Variants in MAL2 observed in about 807,000 individuals in gnomAD.
MAL2 encodes mal, T cell differentiation protein 2.
In MAL2, 17 loss-of-function variants were observed where a neutral mutation model predicts 18.1. That is an observed-to-expected ratio of 0.94 (90% CI 0.64 to 1.41). MAL2 has a LOEUF of 1.41. MAL2 is among the 40% of genes most tolerant of loss of function. The probability of loss-of-function intolerance (pLI) is 0.00; values close to 1 mark genes in which losing one functional copy is unlikely to be tolerated. For missense variants in MAL2, 222 were observed against 231.9 expected, an observed-to-expected ratio of 0.96 and a Z score of 0.28; for synonymous variants, 102 against 102.3, an observed-to-expected ratio of 1.00 and a Z score of 0.02.
At chr8:119,217,260 A>G (rs1817372731) in intron 1 of MAL2, among the ~76,000 whole-genome samples, 1 of 152,218 alleles carries the variant, frequency 6.6e-6, no homozygotes, top group African/African-American at 2.4e-5. Context: ...AAACATAACA[A>G]ACATGTGTTA....
intron 2 of MAL2, among the ~76,000 whole-genome samples, chr8:119,222,691 G>C (rs930037402): frequency 6.6e-6 from 1 of 151,624 alleles, no homozygotes; most frequent in Non-Finnish European, 1.5e-5. Context: ...ATCTGGACAT[G>C]GTGTTGCACT....
chr8:119,243,865 AAAAC>A lies in MAL2; in HGVS notation c.*379_*382del. 6.3e-6 allele frequency: 1 copy of A among 157,730 alleles called. No homozygotes were observed. Among genetic ancestry groups the A allele is most frequent in the Non-Finnish European group, 1.4e-5 (1 of 71,842 alleles). The allele number at this position is 157,730 out of a possible 1,614,324, so 9.8% of individuals were successfully genotyped here. A position where few individuals can be genotyped will look rare whatever the true frequency, so the allele number is the denominator to read the frequency against. The stretch of plus-strand genomic sequence containing the variant: ...TAATTGGTAATTACAGCCCCTAAAA[AAAAC>A]ACATTTCAAATAGGCTTCCCACTAA... On this transcript the variant is annotated 3_prime_UTR_variant, in exon 4 of 4. Coordinates refer to ENST00000614891, the MANE Select transcript of MAL2 (RefSeq NM_052886.3).
chr8:119,220,678 G>A (rs577032979), intron 1 of MAL2, among the ~76,000 whole-genome samples: 3 of 152,100 alleles, frequency 2.0e-5, no homozygotes, highest in Admixed American at 6.5e-5. Context: ...TCACCTATGC[G>A]GGGCTACTCT....
intron 2 of MAL2, among the ~76,000 whole-genome samples, chr8:119,230,523 T>C (rs1317035823): frequency 6.6e-6 from 1 of 152,098 alleles, no homozygotes; most frequent in Admixed American, 6.5e-5. Context: ...AAGAGTAGCA[T>C]CCTTGAGCTA....
Position 119,208,483 on chromosome 8 carries a change from G to C in MAL2, c.11G>C (p.Gly4Ala). 1 of 1,276,024 alleles carries C rather than the reference G, an allele frequency of 7.8e-7. No individual in the cohort carries two copies. The highest frequency in any genetic ancestry group is 1.5e-5 in the African/African-American group (1 of 64,846). 79.0% of individuals were successfully genotyped at this position (1,276,024 alleles called of 1,614,324 possible). A position where few individuals can be genotyped will look rare whatever the true frequency, so the allele number is the denominator to read the frequency against. Residue 4 changes from glycine to alanine, a missense_variant, in exon 1 of 4, where the codon GGC becomes GCC. By Grantham distance (60) the Gly-to-Ala change is moderately conservative. Coordinates refer to ENST00000614891, the MANE Select transcript of MAL2 (RefSeq NM_052886.3). This position sits in a 1 kb window ranked among gnomAD's most constrained non-coding sequence, Gnocchi z 4.3. MSAGGASVPPPPNP... is the reference protein window; with the variant it reads MSAAGASVPPPPNP... The stretch of plus-strand genomic sequence containing the variant: ...AGCGGCAGCGGCAGCATGTCGGCCG[G>C]CGGAGCGTCAGTCCCGCCGCCCCCG...
At chr8:119,219,931 C>T (rs1186531634) in intron 1 of MAL2, among the ~76,000 whole-genome samples, 1 of 152,092 alleles carries the variant, frequency 6.6e-6, no homozygotes, top group Admixed American at 6.5e-5. Flanking sequence ...ATCTCAAGTA[C>T]ACATAGGGAG....
rs1455654734 is a variant in MAL2, at chr8:119,229,336, A to C, written c.303+7579A>C. 1.4e-4 allele frequency among the ~76,000 whole-genome samples: 19 copies of C among 139,878 alleles called. No individual in the cohort carries two copies. In the Admixed American group the frequency reaches 1.4e-3, roughly 10 times the overall value. The allele number at this position is 139,878 out of a possible 152,430, so 91.8% of individuals were successfully genotyped here. A position where few individuals can be genotyped will look rare whatever the true frequency, so the allele number is the denominator to read the frequency against. ...CTCTTTTTTTTTTTTTTTTTGAGAC[A>C]GAGTCTTGCTCTATTGCCCAGGCTG... On this transcript the variant is annotated intron_variant, in intron 2 of 3. Transcript: ENST00000614891.
At chr8:119,232,895 G>C (rs1171164124) in intron 2 of MAL2, among the ~76,000 whole-genome samples, 1 of 152,134 alleles carries the variant, frequency 6.6e-6, no homozygotes, top group Non-Finnish European at 1.5e-5. Flanking sequence ...TAGCTGAGCA[G>C]TTTTGAGTGA....
At chr8:119,242,591 G>T (rs993479522) in intron 3 of MAL2, among the ~76,000 whole-genome samples, 1 of 152,128 alleles carries the variant, frequency 6.6e-6, no homozygotes, top group Non-Finnish European at 1.5e-5. Context: ...GATTAGAAAT[G>T]TATCAGAGAA....
intron 2 of MAL2, among the ~76,000 whole-genome samples, chr8:119,238,118 C>G: frequency 6.6e-6 from 1 of 152,212 alleles, no homozygotes; most frequent in East Asian, 1.9e-4. Context: ...GTACAAAAAT[C>G]ACAAGCATTC....
chr8:119,230,281 C>A (rs1271566197), intron 2 of MAL2, among the ~76,000 whole-genome samples: 2 of 152,036 alleles, frequency 1.3e-5, no homozygotes, highest in African/African-American at 4.8e-5. Flanking sequence ...ATAGGATGAC[C>A]CAAGCATATG....
intron 2 of MAL2, among the ~76,000 whole-genome samples, chr8:119,229,335 C>T (rs1449845139): frequency 3.0e-5 from 4 of 132,204 alleles, no homozygotes; most frequent in South Asian, 2.5e-4. Flanking sequence ...TTTTTTGAGA[C>T]AGAGTCTTGC....
intron 1 of MAL2, among the ~76,000 whole-genome samples, chr8:119,212,764 C>T (rs1038823271): frequency 3.9e-5 from 6 of 152,048 alleles, no homozygotes; most frequent in Admixed American, 1.3e-4. Flanking sequence ...CACGTACAAA[C>T]ACAGAGACAA....
chr8:119,217,865 A>G (rs1483697593), intron 1 of MAL2, among the ~76,000 whole-genome samples: 1 of 152,154 alleles, frequency 6.6e-6, no homozygotes, highest in Non-Finnish European at 1.5e-5. Flanking sequence ...TAAGCTCACT[A>G]ATGCCCGGAA....
intron 1 of MAL2, among the ~76,000 whole-genome samples, chr8:119,209,782 G>A (rs1466372509): frequency 2.0e-5 from 3 of 152,290 alleles, no homozygotes; most frequent in Non-Finnish European, 4.4e-5. Flanking sequence ...AAGAGGAGAC[G>A]TGAGTGAGTT....
intron 2 of MAL2, among the ~76,000 whole-genome samples, chr8:119,233,749 A>G (rs1170670432): frequency 1.3e-5 from 2 of 151,952 alleles, no homozygotes; most frequent in Non-Finnish European, 2.9e-5. Flanking sequence ...CCAGAGGTAC[A>G]AGGAGGAACT....
Position 119,208,853 on chromosome 8 carries a change from C to A in MAL2, c.132+249C>A. On this transcript the variant is annotated intron_variant, in intron 1 of 3. Coordinates refer to ENST00000614891, the MANE Select transcript of MAL2 (RefSeq NM_052886.3). The surrounding 1 kb of genome is among the most constrained non-coding windows in gnomAD (Gnocchi z 4.3). ...AAATTGCCTGGGGAGGGCGAGTAGGCGGCCCGGCAGGGCCGAACATTGGGG... is the reference window on the plus strand; with the variant it reads ...AAATTGCCTGGGGAGGGCGAGTAGGAGGCCCGGCAGGGCCGAACATTGGGG... The A allele has an allele frequency of 2.4e-6, 1 of 425,356 alleles. No homozygotes were observed. 26.3% of individuals were successfully genotyped at this position (425,356 alleles called of 1,614,324 possible).
chr8:119,237,439 G>A (rs1410140869), intron 2 of MAL2, among the ~76,000 whole-genome samples: 1 of 151,500 alleles, frequency 6.6e-6, no homozygotes, highest in Non-Finnish European at 1.5e-5. Context: ...CTCATTTTAT[G>A]AGGCCAGCAT....
At chr8:119,231,758 A>G (rs1054813039) in intron 2 of MAL2, among the ~76,000 whole-genome samples, 2 of 152,260 alleles carry the variant, frequency 1.3e-5, no homozygotes, top group Admixed American at 6.5e-5. Context: ...TTAAAAAGGC[A>G]GAAATCCTGT....
Sources: allele counts gnomAD v4.1 joint callset (sites outside exome capture counted in the v4.1 genomes callset), GRCh38; gene constraint gnomAD v4.1.1; non-coding constraint Gnocchi (gnomAD v3.1); transcripts MANE v1.5; gene names NCBI Gene and HGNC (gene_info 2026-07-23, HGNC 2026-07-21).